The following RNF212B variants were observed in gnomAD, a reference collection of about 807,000 sequenced individuals.
RNF212B encodes E3 ubiquitin-protein ligase RNF212B.
In RNF212B, 52 loss-of-function variants were observed where a neutral mutation model predicts 55.5. The ratio of observed to expected loss-of-function variants is 0.94; its 90% CI spans 0.75 to 1.18. The LOEUF is 1.18. Ranked by LOEUF, RNF212B falls within the 50% of genes most tolerant of loss-of-function variation. The pLI is 0.00. For missense variants in RNF212B, 289 were observed against 350.4 expected, an observed-to-expected ratio of 0.82 and a Z score of 1.40; for synonymous variants, 99 against 121.4, an observed-to-expected ratio of 0.82 and a Z score of 1.21.
intron 7 of RNF212B, among the ~76,000 whole-genome samples, chr14:23,262,067 G>A (rs1441630865): frequency 6.6e-6 from 1 of 152,142 alleles, no homozygotes; most frequent in African/African-American, 2.4e-5. Context: ...ATGGATTAAA[G>A]AGACACTGCC....
chr14:23,258,698 T>C, intron 5 of RNF212B, 34 bp downstream of exon 5: 1 of 863,480 alleles, frequency 1.2e-6, no homozygotes, highest in Non-Finnish European at 1.7e-6. Flanking sequence ...GAGAGCTTTT[T>C]TTTTTTTTTT....
chr14:23,227,957 A>C (rs920065273), intron 2 of RNF212B, among the ~76,000 whole-genome samples: 2 of 149,336 alleles, frequency 1.3e-5, no homozygotes, highest in African/African-American at 4.9e-5. Context: ...AATGCCAGGC[A>C]TGGTGGCTCA....
chr14:23,240,104 T>C (rs977730169), intron 1 of RNF212B, among the ~76,000 whole-genome samples: 1 of 151,392 alleles, frequency 6.6e-6, no homozygotes, highest in Non-Finnish European at 1.5e-5. Context: ...TATATATATA[T>C]ACACACACAC....
chr14:23,232,162 G>T lies in RNF212B; in HGVS notation c.-1-8183G>T, dbSNP rs186584151. ...CTGCCCACTCTGGGAAGTGAGGAGG[G>T]CCTCTTCCCCGCCGCCATCCCGTCT... is the stretch of plus-strand genomic sequence containing the variant. On this transcript the variant is annotated intron_variant, in intron 2 of 15. Coordinates refer to the RNF212B transcript ENST00000399910. 4.1e-3 allele frequency among the ~76,000 whole-genome samples: 623 copies of T among 151,400 alleles called. 4 individuals carry two copies. Among genetic ancestry groups the T allele is most frequent in the Middle Eastern group, 0.017 (5 of 288 alleles).
chr14:23,238,780 A>AATCATCATCATCATCATC lies in RNF212B; in HGVS notation c.-2+728_-2+729insATCATCATCATCATCATC, dbSNP rs780687973. Among the ~76,000 whole-genome samples, 142 of 145,682 alleles carry AATCATCATCATCATCATC rather than the reference A, an allele frequency of 9.7e-4. 1 individual carries two copies. The highest frequency in any genetic ancestry group is 1.1e-3 in the Non-Finnish European group (70 of 66,178). Reference sequence around the variant, plus strand: ...TAATAATAATAATAATAATAATAATAATCCCACAAAGAAACCTTACAAAGT... The same window carrying AATCATCATCATCATCATC: ...TAATAATAATAATAATAATAATAATAATCATCATCATCATCATCATCCCACAAAGAAACCTTACAAAGT... On this transcript the variant is annotated intron_variant, in intron 1 of 14. Transcript: ENST00000430154.
chr14:23,189,633 T>A (rs1289276277), intron 1 of RNF212B, among the ~76,000 whole-genome samples: 8 of 151,796 alleles, frequency 5.3e-5, no homozygotes, highest in Non-Finnish European at 1.0e-4. Flanking sequence ...CAAAACCTTG[T>A]TTCTACTAAA....
intron 2 of RNF212B, among the ~76,000 whole-genome samples, chr14:23,228,073 A>C (rs1882199184): frequency 6.6e-6 from 1 of 151,782 alleles, no homozygotes; most frequent in Admixed American, 6.6e-5. Flanking sequence ...TCTACTAAAA[A>C]TACAAAATTA....
intron 2 of RNF212B, among the ~76,000 whole-genome samples, chr14:23,217,291 G>A (rs1881187042): frequency 6.6e-6 from 1 of 152,058 alleles, no homozygotes; most frequent in Admixed American, 6.6e-5. Context: ...AAAGGGGAGG[G>A]AAGAGCGGGA....
chr14:23,213,109 G>A (rs1419938785), intron 2 of RNF212B, among the ~76,000 whole-genome samples: 2 of 151,878 alleles, frequency 1.3e-5, no homozygotes, highest in Admixed American at 6.6e-5. Flanking sequence ...TCAGGAGATC[G>A]AGACCATCCT....
intron 2 of RNF212B, among the ~76,000 whole-genome samples, chr14:23,212,998 G>A (rs1355114069): frequency 6.6e-6 from 1 of 151,736 alleles, no homozygotes; most frequent in Non-Finnish European, 1.5e-5. Context: ...GATAAAACAT[G>A]TAAAAGACCT....
intron 2 of RNF212B, among the ~76,000 whole-genome samples, chr14:23,241,036 G>A (rs566833583): frequency 2.6e-5 from 4 of 152,026 alleles, no homozygotes; most frequent in Admixed American, 2.0e-4. Flanking sequence ...TTAAATTTCA[G>A]TGTCTTTTTT....
chr14:23,243,717 AAAGCAAGC>A (rs1555316871), intron 3 of RNF212B, among the ~76,000 whole-genome samples: 3 of 116,822 alleles, frequency 2.6e-5, no homozygotes, highest in South Asian at 2.6e-4. Flanking sequence ...AAAAAAAAAA[AAAGCAAGC>A]AAGCAAGCAA....
chr14:23,250,578 C>T (rs1487434457), intron 4 of RNF212B, among the ~76,000 whole-genome samples: 1 of 151,728 alleles, frequency 6.6e-6, no homozygotes, highest in Non-Finnish European at 1.5e-5. Context: ...TAGTGTTTTA[C>T]TTATTAGTTC....
chr14:23,215,519 C>T (rs1185747133), intron 2 of RNF212B, among the ~76,000 whole-genome samples: 1 of 151,778 alleles, frequency 6.6e-6, no homozygotes, highest in African/African-American at 2.4e-5. Context: ...AACAAACAAA[C>T]AAACACACAC....
chr14:23,199,729 A>G (rs1220093453), intron 2 of RNF212B, among the ~76,000 whole-genome samples: 1 of 152,074 alleles, frequency 6.6e-6, no homozygotes, highest in African/African-American at 2.4e-5. Context: ...AACAACAACA[A>G]ACAAAAGAAC....
At chr14:23,233,541 C>G (rs533672962), upstream of RNF212B, among the ~76,000 whole-genome samples, 153 of 96,798 alleles carry the variant, frequency 1.6e-3, no homozygotes, top group African/African-American at 5.8e-3. Context: ...GCCTGGGCAA[C>G]ATGGTGAAAC....
chr14:23,237,374 C>T (rs1186767071), upstream of RNF212B, among the ~76,000 whole-genome samples: 1 of 152,188 alleles, frequency 6.6e-6, no homozygotes, highest in Non-Finnish European at 1.5e-5. Flanking sequence ...AAGTGATCCG[C>T]CCGCCTCGGC....
At chr14:23,209,249 T>C (rs1051263204) in intron 2 of RNF212B, among the ~76,000 whole-genome samples, 3 of 152,104 alleles carry the variant, frequency 2.0e-5, no homozygotes, top group African/African-American at 7.2e-5. Flanking sequence ...TTGGTTTTGG[T>C]GGGTTTTGGC....
At chr14:23,217,433 T>C (rs948481867) in intron 2 of RNF212B, among the ~76,000 whole-genome samples, 3 of 152,208 alleles carry the variant, frequency 2.0e-5, no homozygotes, top group Non-Finnish European at 4.4e-5. Flanking sequence ...GGGAACTCGC[T>C]GCCCTGAAGA....
Sources: gnomAD v4.1 joint callset for allele counts (sites outside exome capture counted in the v4.1 genomes callset) on GRCh38, gnomAD v4.1.1 for gene constraint, MANE v1.5 for transcripts, NCBI Gene and HGNC (gene_info 2026-07-23, HGNC 2026-07-21) for gene names.